Variants in LPP observed in about 807,000 individuals in gnomAD.
LPP encodes LIM domain containing preferred translocation partner in lipoma.
LPP carries 38 observed loss-of-function variants against 60.4 expected under a neutral mutation model. The observed-to-expected ratio is 0.63, with a 90% confidence interval of 0.49 to 0.83. The LOEUF (loss-of-function observed/expected upper bound fraction) is 0.83. Among genes scored for constraint, LPP ranks in the 40% least tolerant of loss-of-function variants. The probability of loss-of-function intolerance (pLI) is 0.00; values close to 1 mark genes in which losing one functional copy is unlikely to be tolerated. For missense variants in LPP, 902 were observed against 783.6 expected, an observed-to-expected ratio of 1.15 and a Z score of -1.80; for synonymous variants, 328 against 290.8, an observed-to-expected ratio of 1.13 and a Z score of -1.30.
rs188507087 is a variant in LPP, at chr3:188,363,020, T to A, written c.-10+21301T>A. Among the ~76,000 whole-genome samples the A allele has an allele frequency of 3.0e-3, 384 of 129,694 alleles. 1 individual carries two copies. The highest frequency in any genetic ancestry group is 0.01 in the African/African-American group (367 of 36,284). 85.1% of individuals were successfully genotyped at this position (129,694 alleles called of 152,430 possible). On this transcript the variant is annotated intron_variant, in intron 3 of 11. Coordinates refer to ENST00000617246, the MANE Select transcript of LPP (RefSeq NM_001375462.1). ...TTTTAAATTATTATTACAATTATTATCTATTTATTTTATTTATTTTTTTTT... is the reference window on the plus strand; with the variant it reads ...TTTTAAATTATTATTACAATTATTAACTATTTATTTTATTTATTTTTTTTT...
chr3:188,264,842 A>T (rs925667725), intron 2 of LPP, among the ~76,000 whole-genome samples: 22 of 151,578 alleles, frequency 1.5e-4, no homozygotes, highest in African/African-American at 5.1e-4. Flanking sequence ...TTTATAACAT[A>T]TGAATATTAT....
At chr3:188,628,600 G>A (rs1455978795) in intron 7 of LPP, among the ~76,000 whole-genome samples, 1 of 151,998 alleles carries the variant, frequency 6.6e-6, no homozygotes, top group Non-Finnish European at 1.5e-5. Flanking sequence ...AATTGAATCA[G>A]TTATAAAAAA....
intron 7 of LPP, among the ~76,000 whole-genome samples, chr3:188,663,868 T>TA (rs1389114527): frequency 6.6e-6 from 1 of 152,066 alleles, no homozygotes; most frequent in Non-Finnish European, 1.5e-5. Flanking sequence ...CAGTTCACAA[T>TA]AAGGTTCGCA....
At chr3:188,527,531 A>G (rs1820970779) in intron 6 of LPP, among the ~76,000 whole-genome samples, 1 of 152,286 alleles carries the variant, frequency 6.6e-6, no homozygotes, top group African/African-American at 2.4e-5. Flanking sequence ...AGGAAATAAG[A>G]CCAACTCTAG....
chr3:188,666,517 G>A (rs1179403093), intron 7 of LPP, among the ~76,000 whole-genome samples: 1 of 152,184 alleles, frequency 6.6e-6, no homozygotes, highest in East Asian at 1.9e-4. Context: ...TTCTCTGGCT[G>A]TGTAAACTTA....
rs1182630929 is a variant in LPP at position 188,613,249 on chromosome 3, TCTATATCTATAC to T, written c.1113+3417_1113+3428del. On this transcript the variant is annotated intron_variant, in intron 7 of 11. Transcript: ENST00000617246. Reference sequence around the variant, plus strand: ...ACTCGTGTCCTGTGCATTTTATATATCTATATCTATACCTATATCTATATCTATATCTATATC... The same window carrying T: ...ACTCGTGTCCTGTGCATTTTATATATCTATATCTATATCTATATCTATATC... Among the ~76,000 whole-genome samples, 653 of 131,650 alleles carry T rather than the reference TCTATATCTATAC, an allele frequency of 5.0e-3. 9 individuals are homozygous for T. Among genetic ancestry groups the T allele is most frequent in the African/African-American group, 0.017 (582 of 33,260 alleles). 86.4% of individuals were successfully genotyped at this position (131,650 alleles called of 152,430 possible). A position where few individuals can be genotyped will look rare whatever the true frequency, so the allele number is the denominator to read the frequency against.
At chr3:188,281,327 C>A (rs932180562) in intron 2 of LPP, among the ~76,000 whole-genome samples, 13 of 152,060 alleles carry the variant, frequency 8.5e-5, no homozygotes, top group African/African-American at 3.1e-4. Context: ...TCAGGCCAGG[C>A]ATAGTGGCTC....
chr3:188,272,450 C>G (rs1738105867), intron 2 of LPP, among the ~76,000 whole-genome samples: 1 of 152,186 alleles, frequency 6.6e-6, no homozygotes, highest in African/African-American at 2.4e-5. Flanking sequence ...TAACATTCAC[C>G]TCCTTTCCCA....
intron 1 of LPP, among the ~76,000 whole-genome samples, chr3:188,155,540 T>C (rs752149563): frequency 1.6e-4 from 25 of 152,156 alleles, no homozygotes; most frequent in Non-Finnish European, 3.1e-4. Context: ...TCCTCCCCCT[T>C]CCTCAACTCT....
At chr3:188,342,929 A>T (rs1362032653) in intron 3 of LPP, among the ~76,000 whole-genome samples, 1 of 152,122 alleles carries the variant, frequency 6.6e-6, no homozygotes, top group Non-Finnish European at 1.5e-5. Context: ...CAAAAAAAGA[A>T]CATTGTTTTT....
chr3:188,540,881 T>C (rs1824979096), intron 6 of LPP, among the ~76,000 whole-genome samples: 1 of 152,212 alleles, frequency 6.6e-6, no homozygotes, highest in African/African-American at 2.4e-5. Flanking sequence ...ATCTTACTTA[T>C]GATATCTGAG....
intron 9 of LPP, among the ~76,000 whole-genome samples, chr3:188,825,247 T>TTCTCTCTCTC (rs61381257): frequency 8.4e-5 from 10 of 118,510 alleles, no homozygotes; most frequent in Non-Finnish European, 1.0e-4. Flanking sequence ...CAGCCTTTCT[T>TTCTCTCTCTC]TCTCTCTCTC....
chr3:188,259,362 C>G (rs908721683), intron 2 of LPP, among the ~76,000 whole-genome samples: 1 of 152,168 alleles, frequency 6.6e-6, no homozygotes, highest in Admixed American at 6.5e-5. Flanking sequence ...TAAGGCCACT[C>G]TTTACCATTC....
At chr3:188,637,924 C>T (rs1218441590) in intron 7 of LPP, among the ~76,000 whole-genome samples, 2 of 149,860 alleles carry the variant, frequency 1.3e-5, no homozygotes, top group Non-Finnish European at 3.0e-5. Context: ...CAGCCGAATT[C>T]TACCAAAGGT....
chr3:188,263,914 A>G (rs968670837), intron 2 of LPP, among the ~76,000 whole-genome samples: 2 of 152,168 alleles, frequency 1.3e-5, no homozygotes, highest in African/African-American at 4.8e-5. Flanking sequence ...GTCCATGTTC[A>G]AGTGAATCCT....
intron 8 of LPP, among the ~76,000 whole-genome samples, chr3:188,730,420 G>T (rs1408341156): frequency 2.6e-5 from 4 of 152,210 alleles, no homozygotes; most frequent in Admixed American, 2.6e-4. Flanking sequence ...CGTATTTACA[G>T]TGTTTGGTAG....
intron 4 of LPP, among the ~76,000 whole-genome samples, chr3:188,423,993 C>G (rs1788604042): frequency 6.6e-6 from 1 of 151,972 alleles, no homozygotes; most frequent in African/African-American, 2.4e-5. Flanking sequence ...GCTTTTGTTG[C>G]CATTGCTTTT....
At chr3:188,611,323 A>G (rs1198842775) in intron 7 of LPP, among the ~76,000 whole-genome samples, 1 of 152,178 alleles carries the variant, frequency 6.6e-6, no homozygotes, top group African/African-American at 2.4e-5. Flanking sequence ...AAATGTTATT[A>G]CAGTTTTTTA....
At chr3:188,562,535 A>G (rs4686977) in intron 6 of LPP, 68,297 of 151,824 alleles carry the variant, frequency 0.45, 16,201 homozygotes, top group East Asian at 0.92. Context: ...AACTGCAATG[A>G]AAGAATTGAC....
Sources: gnomAD v4.1 joint callset for allele counts (sites outside exome capture counted in the v4.1 genomes callset) on GRCh38, gnomAD v4.1.1 for gene constraint, MANE v1.5 for transcripts, NCBI Gene and HGNC (gene_info 2026-07-23, HGNC 2026-07-21) for gene names.